Variants in SPG11 observed in about 807,000 individuals in gnomAD.
SPG11 encodes SPG11 vesicle trafficking associated, spatacsin, also known as spatacsin.
Under a neutral mutation model 274.0 loss-of-function variants are expected in SPG11, and 222 were observed. The observed-to-expected ratio is 0.81, with a 90% CI of 0.73 to 0.91. The LOEUF (loss-of-function observed/expected upper bound fraction) is 0.91, where lower values mean the gene tolerates loss of function less well. Ranked by LOEUF, SPG11 falls within the 40% of genes least tolerant of loss-of-function variation. The pLI is 0.00. For synonymous variants in SPG11, 1,144 were observed against 1,039.7 expected (o/e 1.10, Z -1.93); for missense variants, 3,114 against 2,872.7 (o/e 1.08, Z -1.92).
Position 44,637,913 on chromosome 15 carries a change from T to C in SPG11, c.1603-4276A>G, listed in dbSNP as rs552395424. Among the ~76,000 whole-genome samples, 10 of 152,278 alleles carry C rather than the reference T, an allele frequency of 6.6e-5. 1 individual carries two copies. The Middle Eastern group carries it at 0.01, about 155-fold the overall frequency. ...CCATGCATGTTACTGCCTCTGAAGA[T>C]TGTCTTGTGGGACAAGATGTAGAGG... On this transcript the variant is annotated intron_variant, in intron 7 of 39. Transcript: ENST00000261866.
intron 28 of SPG11, among the ~76,000 whole-genome samples, chr15:44,586,592 C>T (rs1231582922): frequency 2.0e-5 from 3 of 151,758 alleles, no homozygotes; most frequent in Non-Finnish European, 2.9e-5. Context: ...TGAAGTGAGC[C>T]GAGATGGTGC....
chr15:44,588,645 T>C (rs763192367), intron 28 of SPG11: 29 of 440,176 alleles, frequency 6.6e-5, no homozygotes, highest in South Asian at 3.2e-4. Context: ...TTACCTTTAG[T>C]TGATAGCAAA....
chr15:44,652,671 T>G (rs1351799284), intron 4 of SPG11, among the ~76,000 whole-genome samples: 1 of 151,386 alleles, frequency 6.6e-6, no homozygotes, highest in Non-Finnish European at 1.5e-5. Flanking sequence ...TTTTTTTTTT[T>G]TGAGACAGAG....
intron 1 of SPG11, 97 bp downstream of exon 1, chr15:44,663,294 T>C (rs1428070570): frequency 2.3e-5 from 34 of 1,501,160 alleles, no homozygotes; most frequent in Non-Finnish European, 3.1e-5. Flanking sequence ...GCCACCTCTA[T>C]GGCTGCAGGG....
At chr15:44,589,450 T>C (rs1567143123) in intron 27 of SPG11, 36 bp from the exon 28 acceptor site, 2 of 1,613,214 alleles carry the variant, frequency 1.2e-6, no homozygotes, top group Admixed American at 1.7e-5. Flanking sequence ...GGAAAGCAGT[T>C]TCATGAGAAT....
At chr15:44,636,489 G>T (rs576559728) in intron 7 of SPG11, among the ~76,000 whole-genome samples, 1 of 150,968 alleles carries the variant, frequency 6.6e-6, no homozygotes, top group Non-Finnish European at 1.5e-5. Flanking sequence ...GTGAAACCCC[G>T]TCTCTACTAA....
chr15:44,622,761 G>A lies in SPG11; in HGVS notation c.2283C>T (p.Phe761=), dbSNP rs1595891619. 2 of 1,613,704 alleles carry A rather than the reference G, an allele frequency of 1.2e-6. No individual in the cohort carries two copies. The highest frequency in any genetic ancestry group is 1.7e-6 in the Non-Finnish European group (2 of 1,179,798). The change falls in exon 12 of 40, where the codon TTC becomes TTT. Residue 761 remains phenylalanine (F), a synonymous_variant. Coordinates refer to ENST00000261866, the MANE Select transcript of SPG11 (RefSeq NM_025137.4). ...CACGTATATTTTTATTAGTTGTATA[G>A]AAGCAGATCTTGAGCAATTGGCCTT... is the stretch of plus-strand genomic sequence containing the variant. ...DVKGQLLKIC[F]YTTNKNIRDF...
chr15:44,575,192 C>G, intron 30 of SPG11, 151 bp from the exon 31 acceptor site: 2 of 896,030 alleles, frequency 2.2e-6, no homozygotes, highest in South Asian at 3.3e-5. Context: ...AGGGCCCCAC[C>G]TCAACTTCTT....
At chr15:44,602,806 A>G (rs1390643037) in intron 20 of SPG11, among the ~76,000 whole-genome samples, 2 of 151,974 alleles carry the variant, frequency 1.3e-5, no homozygotes, top group Non-Finnish European at 2.9e-5. Context: ...CATTCTGTTA[A>G]TGTGGTGTAT....
rs545608148 is a variant in SPG11 at position 44,652,312 on chromosome 15, A to T, written c.870-46T>A. ...AGACATATGAAAAAATGATGATCAA[A>T]CCCAAATTTGTGTTACTACTGCTCC... On this transcript the variant is annotated intron_variant, in intron 4 of 39. Transcript: ENST00000261866. The T allele has an allele frequency of 3.7e-6, 6 of 1,607,772 alleles. No homozygotes were observed. The Admixed American group carries it at 1.0e-4, about 27-fold the overall frequency.
intron 26 of SPG11, among the ~76,000 whole-genome samples, chr15:44,593,926 TTTC>T (rs2082966614): frequency 1.3e-5 from 2 of 150,132 alleles, no homozygotes; most frequent in African/African-American, 4.9e-5. Flanking sequence ...GCTTTTTTCT[TTTC>T]TTTTTTTTTT....
chr15:44,584,456 A>G lies in SPG11; in HGVS notation c.5224T>C (p.Ser1742Pro), dbSNP rs1287195377. 1 of 1,614,044 alleles carries G rather than the reference A, an allele frequency of 6.2e-7. No individual in the cohort carries two copies. The highest frequency in any genetic ancestry group is 1.3e-5 in the African/African-American group (1 of 74,922). ...KKCHENFKKN[S>P]ISSKAASSFF... ...GAAGAAGCTGCTTTGCTTGAAATTGAATTTTTCTTAAAATTCTCATGGCAT... is the reference window on the plus strand; with the variant it reads ...GAAGAAGCTGCTTTGCTTGAAATTGGATTTTTCTTAAAATTCTCATGGCAT... The change falls in exon 30 of 40, where the codon TCA becomes CCA. Residue 1742 changes from serine (S) to proline (P), a missense_variant. Ser to Pro is a moderately conservative substitution (Grantham distance 74). Coordinates refer to ENST00000261866, the MANE Select transcript of SPG11 (RefSeq NM_025137.4).
intron 38 of SPG11, 25 bp downstream of exon 38, chr15:44,565,829 G>A (rs1321785094): frequency 2.5e-6 from 4 of 1,613,626 alleles, no homozygotes; most frequent in Non-Finnish European, 3.4e-6. Flanking sequence ...TAGCAGTGCT[G>A]GCTACAGTTT....
chr15:44,604,437 A>G (rs2083268585), intron 20 of SPG11, among the ~76,000 whole-genome samples: 1 of 152,236 alleles, frequency 6.6e-6, no homozygotes, highest in Non-Finnish European at 1.5e-5. Context: ...TTTTATTCAA[A>G]TAAGACCATA....
rs138143453 is a variant in SPG11 at position 44,579,814 on chromosome 15, G to A, written c.5866+4000C>T. 3.7e-4 allele frequency among the ~76,000 whole-genome samples: 57 copies of A among 152,278 alleles called. No homozygotes were observed. In the East Asian group the frequency reaches 0.011, roughly 28 times the overall value. On this transcript the variant is annotated intron_variant, in intron 30 of 39. Transcript: ENST00000261866. ...ACCATGTTTCCATCAACAACGGACT[G>A]CATATACAGTGAGGATCCTGTAAGA... is the stretch of plus-strand genomic sequence containing the variant.
At chr15:44,577,502 CAAA>C (rs755097423) in intron 30 of SPG11, among the ~76,000 whole-genome samples, 3 of 91,700 alleles carry the variant, frequency 3.3e-5, no homozygotes, top group Admixed American at 1.2e-4. Context: ...GGCCCTATCT[CAAA>C]AAAAAAAAAA....
chr15:44,610,868 G>A lies in SPG11; in HGVS notation c.3263C>T (p.Thr1088Ile), dbSNP rs1194932641. The A allele has an allele frequency of 2.5e-6, 4 of 1,613,848 alleles. No individual in the cohort carries two copies. The highest frequency in any genetic ancestry group is 2.7e-5 in the African/African-American group (2 of 74,878). ...ACTGACACCCCCAGGAGAATACATT[G>A]TAGTAGCAAGGGCCAGGAGGGTATG... ...EGHTLLALAT[T>I]MYSPGGVSQV... The change falls in exon 18 of 40, where the codon ACA becomes ATA. Residue 1088 changes from threonine (T) to isoleucine (I), a missense_variant. By Grantham distance (89) the Thr-to-Ile change is moderately conservative. Coordinates refer to ENST00000261866, the MANE Select transcript of SPG11 (RefSeq NM_025137.4).
Position 44,563,019 on chromosome 15 carries a change from G to A in SPG11, c.*102C>T, listed in dbSNP as rs1453055447. ...CAAAGGACTGATATGGTACAGTACC[G>A]GGATTGTTCAACTTTAGCAAAGATC... is the stretch of plus-strand genomic sequence containing the variant. On this transcript the variant is annotated 3_prime_UTR_variant, in exon 40 of 40. Coordinates refer to ENST00000261866, the MANE Select transcript of SPG11 (RefSeq NM_025137.4). 23 of 1,186,464 alleles carry A rather than the reference G, an allele frequency of 1.9e-5. No individual in the cohort carries two copies. Among genetic ancestry groups the A allele is most frequent in the South Asian group, 5.0e-5 (4 of 79,648 alleles). The allele number at this position is 1,186,464 out of a possible 1,614,324, so 73.5% of individuals were successfully genotyped here.
At chr15:44,646,310 G>A (rs1267697892) in intron 7 of SPG11, among the ~76,000 whole-genome samples, 1 of 152,170 alleles carries the variant, frequency 6.6e-6, no homozygotes, top group Non-Finnish European at 1.5e-5. Flanking sequence ...GATACTACCT[G>A]AGAAGGGAGG....
Sources: allele counts gnomAD v4.1 joint callset (sites outside exome capture counted in the v4.1 genomes callset), GRCh38; gene constraint gnomAD v4.1.1; transcripts MANE v1.5; gene names NCBI Gene and HGNC (gene_info 2026-07-23, HGNC 2026-07-21).